DNAJC1: variants seen among roughly 807,000 people sequenced by gnomAD.
The protein encoded by DNAJC1 is dnaJ homolog subfamily C member 1.
In DNAJC1, 58 loss-of-function variants were observed where a neutral mutation model predicts 76.6. That is an observed-to-expected ratio of 0.76 (90% CI 0.61 to 0.94). The LOEUF is 0.94. Ranked by LOEUF, DNAJC1 falls within the 40% of genes least tolerant of loss-of-function variation. DNAJC1 has a pLI of 0.00. For synonymous variants in DNAJC1, 258 were observed against 267.9 expected, an observed-to-expected ratio of 0.96 and a Z score of 0.36; for missense variants, 689 against 677.3, an observed-to-expected ratio of 1.02 and a Z score of -0.19.
At chr10:21,864,131 G>C (rs1210819786) in intron 8 of DNAJC1, among the ~76,000 whole-genome samples, 1 of 151,944 alleles carries the variant, frequency 6.6e-6, no homozygotes, top group Non-Finnish European at 1.5e-5. Context: ...TACTTAAGGC[G>C]GCAGGATCAT....
chr10:21,992,679 TTGAAAAAGTGTGTCAGC>T (rs1412175603), intron 1 of DNAJC1, among the ~76,000 whole-genome samples: 1 of 152,216 alleles, frequency 6.6e-6, no homozygotes, highest in Non-Finnish European at 1.5e-5. Context: ...GATCAATGGC[TTGAAAAAGTGTGTCAGC>T]TGTCAAAAAT....
rs75417806 is a variant in DNAJC1 at position 21,980,924 on chromosome 10, C to A, written c.222+22289G>T. 3.5e-3 allele frequency among the ~76,000 whole-genome samples: 538 copies of A among 152,056 alleles called. 21 individuals are homozygous for A. The East Asian group carries it at 0.095, about 27-fold the overall frequency. On this transcript the variant is annotated intron_variant, in intron 1 of 11. Coordinates refer to ENST00000376980, the MANE Select transcript of DNAJC1 (RefSeq NM_022365.4). ...CCCAGAAACCCTACTGTATTTGTAG[C>A]TCCCCTTAAAAAAAAATTCAGTTTG...
chr10:21,978,629 T>C (rs1838102754), intron 1 of DNAJC1, among the ~76,000 whole-genome samples: 1 of 152,068 alleles, frequency 6.6e-6, no homozygotes, highest in Non-Finnish European at 1.5e-5. Context: ...TGTCAAAGAT[T>C]CCACAAAACC....
chr10:21,766,711 C>T lies in DNAJC1; in HGVS notation c.1099-402G>A, dbSNP rs148345996. Among the ~76,000 whole-genome samples the T allele has an allele frequency of 2.1e-3, 317 of 152,178 alleles. 1 individual carries two copies. Among genetic ancestry groups the T allele is most frequent in the African/African-American group, 7.0e-3 (290 of 41,524 alleles). ...CAAGGCCGGGCATGGTGGCTCATGC[C>T]TGCAATCCTAGCACTTTGGGAGGCC... is the stretch of plus-strand genomic sequence containing the variant. On this transcript the variant is annotated intron_variant, in intron 9 of 11. Transcript: ENST00000376980.
chr10:21,878,545 T>C (rs1836223363), intron 8 of DNAJC1, among the ~76,000 whole-genome samples: 1 of 152,212 alleles, frequency 6.6e-6, no homozygotes, highest in South Asian at 2.1e-4. Flanking sequence ...TTTGTATATA[T>C]TTTATGGTAG....
At chr10:21,947,456 G>GA (rs1458890884) in intron 1 of DNAJC1, among the ~76,000 whole-genome samples, 1 of 152,168 alleles carries the variant, frequency 6.6e-6, no homozygotes, top group Non-Finnish European at 1.5e-5. Context: ...AAGATGCAAA[G>GA]ATGAAGAACT....
At chr10:21,933,498 C>T (rs993076692) in intron 1 of DNAJC1, 3 of 152,154 alleles carry the variant, frequency 2.0e-5, no homozygotes, top group African/African-American at 7.2e-5. Flanking sequence ...AGAGCACATG[C>T]TCAGAAAGAC....
rs2131859197 is a variant in DNAJC1 at position 22,003,634 on chromosome 10, G to A, written c.-200C>T. On this transcript the variant is annotated 5_prime_UTR_variant, in exon 1 of 12. Transcript: ENST00000376980. Reference sequence around the variant, plus strand: ...GGCTGCCGGACGGGCGGGTGGGTAGGCGGGCGGGGCCGCAGCCAGCGCTAC... The same window carrying A: ...GGCTGCCGGACGGGCGGGTGGGTAGACGGGCGGGGCCGCAGCCAGCGCTAC... 1 of 508,966 alleles carries A rather than the reference G, an allele frequency of 2.0e-6. No homozygotes were observed. The allele number at this position is 508,966 out of a possible 1,614,324, so 31.5% of individuals were successfully genotyped here.
intron 8 of DNAJC1, among the ~76,000 whole-genome samples, chr10:21,831,276 G>A (rs967007508): frequency 6.6e-6 from 1 of 152,146 alleles, no homozygotes; most frequent in African/African-American, 2.4e-5. Context: ...AGCCCTTTGA[G>A]AGCAGGCTAG....
chr10:21,959,391 G>A lies in DNAJC1; in HGVS notation c.223-30250C>T, dbSNP rs948548551. Among the ~76,000 whole-genome samples, 15 of 152,026 alleles carry A rather than the reference G, an allele frequency of 9.9e-5. No individual in the cohort carries two copies. The East Asian group carries it at 2.7e-3, about 28-fold the overall frequency. On this transcript the variant is annotated intron_variant, in intron 1 of 11. Transcript: ENST00000376980. Reference sequence around the variant, plus strand: ...GATCTGCCTGCCTCAGCCTCCCAAAGTGCTAGGAGTACAGGTATGAGCTAC... The same window carrying A: ...GATCTGCCTGCCTCAGCCTCCCAAAATGCTAGGAGTACAGGTATGAGCTAC...
In DNAJC1 at chr10:21,904,602, T is replaced by G. The variant is rs1171787498; in HGVS notation, c.740A>C (p.Gln247Pro). ...ALPHLIQDAGQFYAKYKETRL... is the reference protein window; with the variant it reads ...ALPHLIQDAGPFYAKYKETRL... ...TGTTTCTTTATATTTAGCATAAAAC[T>G]GCCCAGCATCCTTAAGAAAAAAAGT... Residue 247 changes from glutamine (Q) to proline (P), a missense_variant, in exon 7 of 12, where the codon CAG (glutamine) becomes CCG (proline). Physicochemically the swap from Gln to Pro is moderately conservative, Grantham distance 76. Coordinates refer to ENST00000376980, the MANE Select transcript of DNAJC1 (RefSeq NM_022365.4). The G allele has an allele frequency of 2.5e-6, 4 of 1,599,806 alleles. No individual in the cohort carries two copies. The highest frequency in any genetic ancestry group is 3.4e-6 in the Non-Finnish European group (4 of 1,172,976).
chr10:21,820,745 C>T (rs915254742), intron 8 of DNAJC1, among the ~76,000 whole-genome samples: 5 of 152,196 alleles, frequency 3.3e-5, no homozygotes, highest in African/African-American at 1.2e-4. Context: ...TTCCCATGAC[C>T]CCCTCTTTGG....
intron 8 of DNAJC1, among the ~76,000 whole-genome samples, chr10:21,808,282 G>A (rs2131643479): frequency 6.6e-6 from 1 of 152,114 alleles, no homozygotes; most frequent in South Asian, 2.1e-4. Flanking sequence ...ATTTTTAACA[G>A]ATCAACTTCC....
intron 6 of DNAJC1, among the ~76,000 whole-genome samples, chr10:21,918,434 A>G (rs1836989072): frequency 6.6e-6 from 1 of 150,910 alleles, no homozygotes; most frequent in South Asian, 2.1e-4. Context: ...ATGGGTGGCA[A>G]GCTACTTGAA....
intron 1 of DNAJC1, among the ~76,000 whole-genome samples, chr10:22,002,966 C>T (rs1332386480): frequency 1.3e-5 from 2 of 152,190 alleles, no homozygotes; most frequent in African/African-American, 2.4e-5. Flanking sequence ...GCATCGCCAC[C>T]CTAGGCTAGT....
At chr10:21,891,307 A>G (rs1836458649) in intron 7 of DNAJC1, among the ~76,000 whole-genome samples, 1 of 152,128 alleles carries the variant, frequency 6.6e-6, no homozygotes, top group South Asian at 2.1e-4. Context: ...GCAAAAAAAT[A>G]GAAGACATAT....
chr10:21,837,873 G>A (rs1417215584), intron 8 of DNAJC1, among the ~76,000 whole-genome samples: 6 of 148,764 alleles, frequency 4.0e-5, no homozygotes, highest in African/African-American at 1.2e-4. Context: ...GAGGGAGGTG[G>A]GGGGCAGCCC....
At chr10:21,970,439 C>A (rs1837959458) in intron 1 of DNAJC1, among the ~76,000 whole-genome samples, 1 of 151,810 alleles carries the variant, frequency 6.6e-6, no homozygotes, top group African/African-American at 2.4e-5. Flanking sequence ...AGCACTGGAA[C>A]CAGAAACCAA....
rs925598312 is a variant in DNAJC1 at position 21,902,408 on chromosome 10, G to A, written c.820+2114C>T. On this transcript the variant is annotated intron_variant, in intron 7 of 11. Coordinates refer to ENST00000376980, the MANE Select transcript of DNAJC1 (RefSeq NM_022365.4). ...CAATGTCTGCCTCCCGGGTTCAGGCGATTCTCCTGCCTCAGCCTCCCGAAT... is the reference window on the plus strand; with the variant it reads ...CAATGTCTGCCTCCCGGGTTCAGGCAATTCTCCTGCCTCAGCCTCCCGAAT... 1.2e-4 allele frequency among the ~76,000 whole-genome samples: 18 copies of A among 152,192 alleles called. No homozygotes were observed. The East Asian group carries it at 1.4e-3, about 11-fold the overall frequency.
Sources: gnomAD v4.1 joint callset for allele counts (sites outside exome capture counted in the v4.1 genomes callset) on GRCh38, gnomAD v4.1.1 for gene constraint, MANE v1.5 for transcripts, NCBI Gene and HGNC (gene_info 2026-07-23, HGNC 2026-07-21) for gene names.